The following ZNF430 variants were observed in gnomAD, a reference collection of about 807,000 sequenced individuals.
The protein encoded by ZNF430 is zinc finger protein 430.
ZNF430 carries 35 observed loss-of-function variants against 56.7 expected under a neutral mutation model. The observed-to-expected ratio is 0.62, with a 90% CI of 0.47 to 0.82. The LOEUF (loss-of-function observed/expected upper bound fraction) is 0.82, where lower values mean the gene tolerates loss of function less well. Among genes scored for constraint, ZNF430 ranks in the 40% least tolerant of loss-of-function variants. ZNF430 has a pLI of 0.00. For missense variants in ZNF430, 574 were observed against 661.0 expected (o/e 0.87, Z 1.44); for synonymous variants, 212 against 224.3 (o/e 0.94, Z 0.49).
At chr19:21,041,762 G>A (rs10413692) in intron 4 of ZNF430, among the ~76,000 whole-genome samples, 104,937 of 152,038 alleles carry the variant, frequency 0.69, 40,179 homozygotes, top group East Asian at 0.87. Context: ...TCGCCAGGCT[G>A]GAGTGCTGTG....
At position 21,033,447 on chromosome 19, in the gene ZNF430, G is replaced by A. The variant is rs1048526107; in HGVS notation, c.97-9G>A. The A allele has an allele frequency of 1.4e-5, 23 of 1,606,564 alleles. No homozygotes were observed. The highest frequency in any genetic ancestry group is 1.8e-5 in the Non-Finnish European group (21 of 1,176,982). ...ATATACGTGTGTCTTGTGTGCTTGT[G>A]TTTTTCAGGGGCCATTGACATTTAG... is the stretch of plus-strand genomic sequence containing the variant. On this transcript the variant is annotated splice_polypyrimidine_tract_variant and intron_variant, in intron 2 of 4. Transcript: ENST00000261560.
chr19:21,042,572 A>G lies in ZNF430; in HGVS notation c.322+8388A>G, dbSNP rs111738134. Among the ~76,000 whole-genome samples, 153 of 152,264 alleles carry G rather than the reference A, an allele frequency of 1.0e-3. 1 individual carries two copies. Among genetic ancestry groups the G allele is most frequent in the African/African-American group, 3.2e-3 (131 of 41,554 alleles). ...GGGGTGCCGAGGCAGGAGGATCACA[A>G]GGTCAGGAAATTGACACCATCCTGG... On this transcript the variant is annotated intron_variant, in intron 4 of 4. Transcript: ENST00000261560.
rs1362483247 is a variant in ZNF430, at chr19:21,058,800, C to T, written c.*779C>T. The T allele has an allele frequency of 6.6e-6, 1 of 152,120 alleles. No individual in the cohort carries two copies. The highest frequency in any genetic ancestry group is 1.5e-5 in the Non-Finnish European group (1 of 67,996). 9.4% of individuals were successfully genotyped at this position (152,120 alleles called of 1,614,324 possible). On this transcript the variant is annotated 3_prime_UTR_variant, in exon 5 of 5. Transcript: ENST00000261560. The stretch of plus-strand genomic sequence containing the variant: ...ACATCTTACCACTGGAGAGTTCATA[C>T]TTAATAAAAGGAATATAAGTGCAAT...
Position 21,057,022 on chromosome 19 carries a change from T to C in ZNF430, c.714T>C (p.Cys238=). The change falls in exon 5 of 5, where the codon TGT becomes TGC. Residue 238 remains cysteine (C), a synonymous_variant. Transcript: ENST00000261560. Reference sequence around the variant, plus strand: ...AAAATTCTTACCAATGTGAAGAATGTGGTAAAGTCTTTAACTGGTTCTCAA... The same window carrying C: ...AAAATTCTTACCAATGTGAAGAATGCGGTAAAGTCTTTAACTGGTTCTCAA... ...IRENSYQCEE[C]GKVFNWFSTL... The C allele has an allele frequency of 6.2e-7, 1 of 1,614,086 alleles. No individual in the cohort carries two copies. The highest frequency in any genetic ancestry group is 8.5e-7 in the Non-Finnish European group (1 of 1,180,000).
chr19:21,038,823 T>C (rs1358051558), intron 4 of ZNF430, among the ~76,000 whole-genome samples: 1 of 152,212 alleles, frequency 6.6e-6, no homozygotes, highest in Non-Finnish European at 1.5e-5. Flanking sequence ...TTTTAAACAA[T>C]ATTTGTGTAA....
intron 4 of ZNF430, among the ~76,000 whole-genome samples, chr19:21,047,582 C>T (rs1968203265): frequency 6.6e-6 from 1 of 152,118 alleles, no homozygotes; most frequent in African/African-American, 2.4e-5. Flanking sequence ...AACCATCAGG[C>T]CACTTTTCTG....
At chr19:21,033,305 A>C in intron 2 of ZNF430, 151 bp from the exon 3 acceptor site, 1 of 888,868 alleles carries the variant, frequency 1.1e-6, no homozygotes. Flanking sequence ...CTCTGTCTCA[A>C]AAAAAAAAAA....
At chr19:21,042,744 C>T (rs1038233795) in intron 4 of ZNF430, among the ~76,000 whole-genome samples, 3 of 151,308 alleles carry the variant, frequency 2.0e-5, no homozygotes, top group East Asian at 1.9e-4. Context: ...GCCGAGATCG[C>T]GCCACTGCAC....
chr19:21,038,980 C>G (rs553739905), intron 4 of ZNF430, among the ~76,000 whole-genome samples: 1 of 152,024 alleles, frequency 6.6e-6, no homozygotes, highest in South Asian at 2.1e-4. Context: ...GACAGAGTCT[C>G]TCTCTGTCAT....
intron 2 of ZNF430, among the ~76,000 whole-genome samples, chr19:21,029,528 C>G (rs1289592235): frequency 6.6e-6 from 1 of 152,150 alleles, no homozygotes; most frequent in Non-Finnish European, 1.5e-5. Flanking sequence ...AAAAACAGAA[C>G]TGGAAATACC....
At chr19:21,043,894 T>C (rs1968147547) in intron 4 of ZNF430, among the ~76,000 whole-genome samples, 3 of 151,698 alleles carry the variant, frequency 2.0e-5, no homozygotes, top group Non-Finnish European at 4.4e-5. Context: ...GCTCTCTGCT[T>C]GTTTACTGTT....
chr19:21,033,454 A>G lies in ZNF430; in HGVS notation c.97-2A>G. 6.2e-7 allele frequency: 1 copy of G among 1,607,888 alleles called. No homozygotes were observed. Among genetic ancestry groups the G allele is most frequent in the South Asian group, 1.1e-5 (1 of 90,546 alleles). ...TGTGTCTTGTGTGCTTGTGTTTTTC[A>G]GGGGCCATTGACATTTAGGGATGTG... On this transcript the variant is annotated splice_acceptor_variant, in intron 2 of 4. Transcript: ENST00000261560. LOFTEE classifies it high-confidence loss of function.
chr19:21,044,566 G>A (rs924021178), intron 4 of ZNF430, among the ~76,000 whole-genome samples: 2 of 152,116 alleles, frequency 1.3e-5, no homozygotes, highest in South Asian at 2.1e-4. Flanking sequence ...ATCTTTGCCA[G>A]ATCTTGGTAT....
intron 4 of ZNF430, among the ~76,000 whole-genome samples, chr19:21,055,965 T>C (rs1968368335): frequency 6.6e-6 from 1 of 152,140 alleles, no homozygotes. Flanking sequence ...TAAAGATGTA[T>C]GTGGCAGTAT....
Position 21,056,684 on chromosome 19 carries a change from T to A in ZNF430, c.376T>A (p.Ser126Thr). The A allele has an allele frequency of 6.3e-7, 1 of 1,592,134 alleles. No individual in the cohort carries two copies. ...TTGGCCAGAGCAGGGCATAAAAGAT[T>A]CTTTCCAAGAAGTCATATTGAGAAG... ...DLWPEQGIKD[S>T]FQEVILRRYG... The change falls in exon 5 of 5, where the codon TCT becomes ACT. Residue 126 changes from serine to threonine, a missense_variant. This residue lies in a region of ZNF430 where 346 missense variants were observed against 399.1 expected (regional missense o/e 0.87). Coordinates refer to ENST00000261560, the MANE Select transcript of ZNF430 (RefSeq NM_025189.4).
intron 4 of ZNF430, among the ~76,000 whole-genome samples, chr19:21,055,704 T>C (rs943141225): frequency 6.6e-6 from 1 of 152,200 alleles, no homozygotes; most frequent in Non-Finnish European, 1.5e-5. Context: ...TCCGCCAGCC[T>C]TGGCCTCCCA....
chr19:21,044,144 G>T (rs1408941470), intron 4 of ZNF430, among the ~76,000 whole-genome samples: 11 of 151,730 alleles, frequency 7.2e-5, no homozygotes, highest in Non-Finnish European at 8.8e-5. Context: ...GTGAGAGAGG[G>T]CCTTCTTGTT....
intron 4 of ZNF430, among the ~76,000 whole-genome samples, chr19:21,047,787 G>A (rs1968206177): frequency 6.6e-6 from 1 of 152,196 alleles, no homozygotes; most frequent in Non-Finnish European, 1.5e-5. Context: ...GTCTGACGAT[G>A]TCTGTTGTGG....
At chr19:21,046,312 C>A (rs1968185440) in intron 4 of ZNF430, among the ~76,000 whole-genome samples, 1 of 121,572 alleles carries the variant, frequency 8.2e-6, no homozygotes, top group Admixed American at 9.4e-5. Flanking sequence ...AACAAGACTC[C>A]ATCTCAAAAA....
Sources: gnomAD v4.1 joint callset for allele counts (sites outside exome capture counted in the v4.1 genomes callset) on GRCh38, gnomAD v4.1.1 for gene constraint, gnomAD v4.1.1 regional missense constraint, MANE v1.5 for transcripts, NCBI Gene and HGNC (gene_info 2026-07-23, HGNC 2026-07-21) for gene names.